Variants in ELAC2 observed in about 807,000 individuals in gnomAD.
ELAC2 encodes the protein zinc phosphodiesterase ELAC protein 2.
Under a neutral mutation model 105.2 loss-of-function variants are expected in ELAC2, and 92 were observed. The ratio of observed to expected loss-of-function variants is 0.87; its 90% CI spans 0.74 to 1.04. The LOEUF (loss-of-function observed/expected upper bound fraction) is 1.04, where lower values mean the gene tolerates loss of function less well. Among genes scored for constraint, ELAC2 ranks in the 50% least tolerant of loss-of-function variants. The probability of loss-of-function intolerance (pLI) is 0.00; values close to 1 mark genes in which losing one functional copy is unlikely to be tolerated. For synonymous variants in ELAC2, 468 were observed against 409.1 expected (o/e 1.14, Z -1.74); for missense variants, 1,099 against 1,071.7 (o/e 1.03, Z -0.36).
chr17:13,017,312 G>T (rs1426539771), intron 1 of ELAC2, 191 bp from the exon 2 acceptor site: 2 of 675,464 alleles, frequency 3.0e-6, no homozygotes, highest in East Asian at 5.4e-5. Flanking sequence ...GAGAGGAGTG[G>T]GGGCCTGTGT....
intron 15 of ELAC2, among the ~76,000 whole-genome samples, chr17:12,999,471 G>A (rs955507003): frequency 6.6e-6 from 1 of 152,248 alleles, no homozygotes; most frequent in Non-Finnish European, 1.5e-5. Context: ...AGCCTCAGTT[G>A]AGTGACGTGG....
chr17:13,017,620 C>G, intron 1 of ELAC2, 83 bp downstream of exon 1: 14 of 1,600,568 alleles, frequency 8.7e-6, no homozygotes, highest in Non-Finnish European at 1.2e-5. Context: ...GCAGGGAAGC[C>G]GAAGCCCTGG....
intron 3 of ELAC2, among the ~76,000 whole-genome samples, 160 bp downstream of exon 3, chr17:13,016,702 C>T (rs1401457174): frequency 6.7e-5 from 10 of 149,842 alleles, no homozygotes; most frequent in Non-Finnish European, 1.3e-4. Flanking sequence ...ATCACCTGAG[C>T]CCAGAAGGCA....
chr17:13,009,990 C>CAAAAAAA (rs1157775345), intron 8 of ELAC2, among the ~76,000 whole-genome samples: 1,545 of 75,970 alleles, frequency 0.02, 62 homozygotes, highest in African/African-American at 0.072. Flanking sequence ...GACATGGTCT[C>CAAAAAAA]AAAAAAAAAA....
At chr17:12,993,579 G>A (rs951584250) in intron 23 of ELAC2, 108 bp downstream of exon 23, 50 of 1,535,224 alleles carry the variant, frequency 3.3e-5, no homozygotes, top group Admixed American at 1.9e-4. Context: ...CTTTTCCCAC[G>A]GTGGCCCCAA....
At chr17:12,995,887 G>A (rs981037678) in intron 18 of ELAC2, 53 bp downstream of exon 18, 49 of 1,584,742 alleles carry the variant, frequency 3.1e-5, no homozygotes, top group African/African-American at 1.3e-4. Context: ...GAGGCATGGC[G>A]GATGATGTGT....
rs200802532 is a variant in ELAC2 at position 13,013,208 on chromosome 17, G to T, written c.558C>A (p.His186Gln). 6.2e-7 allele frequency: 1 copy of T among 1,614,166 alleles called. No individual in the cohort carries two copies. The highest frequency in any genetic ancestry group is 1.3e-5 in the African/African-American group (1 of 75,042). Reference protein sequence around the residue: ...ETMTVYQIPIHSEQRRGKHQP... With the variant: ...ETMTVYQIPIQSEQRRGKHQP... ...GGGAAACCTGGCTTTCATACTCACTGTGTATGGGGATCTGGTAAACTGTCA... is the reference window on the plus strand; with the variant it reads ...GGGAAACCTGGCTTTCATACTCACTTTGTATGGGGATCTGGTAAACTGTCA... Residue 186 changes from histidine (H) to glutamine (Q), a missense_variant and splice_region_variant, in exon 6 of 24, where the codon CAC becomes CAA. Coordinates refer to ENST00000338034, the MANE Select transcript of ELAC2 (RefSeq NM_018127.7).
chr17:13,002,472 A>G lies in ELAC2; in HGVS notation c.1187T>C (p.Ile396Thr). Residue 396 changes from isoleucine to threonine, a missense_variant, in exon 13 of 24, where the codon ATC becomes ACC. Transcript: ENST00000338034. ...QTQLNLIHPD[I>T]FPLLTSFRCK... ...GCGGAAACTGGTGAGCAGGGGGAAG[A>G]TGTCCGGGTGGATGAGGTTGAGCTG... is the stretch of plus-strand genomic sequence containing the variant. 1 of 1,610,254 alleles carries G rather than the reference A, an allele frequency of 6.2e-7. No individual in the cohort carries two copies.
intron 12 of ELAC2, 29 bp from the exon 13 acceptor site, chr17:13,002,608 G>A (rs1402595058): frequency 6.3e-7 from 1 of 1,578,124 alleles, no homozygotes; most frequent in Non-Finnish European, 8.6e-7. Flanking sequence ...GGCATTTGCA[G>A]CGTCTGTTAG....
intron 23 of ELAC2, 88 bp downstream of exon 23, chr17:12,993,599 C>G (rs1228672400): frequency 6.3e-7 from 1 of 1,593,000 alleles, no homozygotes; most frequent in Non-Finnish European, 8.6e-7. Context: ...AATAAGAAAG[C>G]AAACTCCAGC....
intron 8 of ELAC2, 98 bp downstream of exon 8, chr17:13,010,515 A>G: frequency 9.1e-7 from 1 of 1,101,750 alleles, no homozygotes. Context: ...TGTCTCAGGT[A>G]ACAGGAGTGC....
chr17:13,017,587 CA>C, intron 1 of ELAC2, 115 bp downstream of exon 1: 1 of 1,547,772 alleles, frequency 6.5e-7, no homozygotes. Flanking sequence ...CGAACCCCCG[CA>C]ACAGTGAACC....
In ELAC2 at chr17:12,992,846, G is replaced by A. The variant is rs763169771; in HGVS notation, c.2453C>T (p.Pro818Leu). The change falls in exon 24 of 24, where the codon CCA (proline) becomes CTA (leucine). Residue 818 changes from proline (P) to leucine (L), a missense_variant. Pro to Leu is a moderately conservative substitution (Grantham distance 98, BLOSUM62 -3). Coordinates refer to ENST00000338034, the MANE Select transcript of ELAC2 (RefSeq NM_018127.7). ...CTGGGCTCTGACCTTCTTGGCCTGTGGCTCCTCTGTGTGGGCCCGCTTCTG... is the reference window on the plus strand; with the variant it reads ...CTGGGCTCTGACCTTCTTGGCCTGTAGCTCCTCTGTGTGGGCCCGCTTCTG... The part of the protein sequence containing the change: ...PQQKRAHTEE[P>L]QAKKVRAQ The A allele has an allele frequency of 1.9e-6, 3 of 1,610,366 alleles. No individual in the cohort carries two copies. Among genetic ancestry groups the A allele is most frequent in the South Asian group, 1.1e-5 (1 of 91,076 alleles).
At chr17:13,016,369 T>G (rs1256554905) in intron 3 of ELAC2, among the ~76,000 whole-genome samples, 1 of 152,226 alleles carries the variant, frequency 6.6e-6, no homozygotes. Flanking sequence ...CACAAATCTC[T>G]GTCCCCGCAA....
intron 4 of ELAC2, among the ~76,000 whole-genome samples, chr17:13,015,069 T>A (rs1490853588): frequency 6.6e-6 from 1 of 152,158 alleles, no homozygotes; most frequent in East Asian, 1.9e-4. Context: ...GTGTTTTGAT[T>A]GTATTGCAAT....
At chr17:13,003,991 T>C in intron 11 of ELAC2, 1 of 219,142 alleles carries the variant, frequency 4.6e-6, no homozygotes, top group Non-Finnish European at 9.3e-6. Flanking sequence ...CCCTGGTGTC[T>C]GCCTTCCAGA....
In ELAC2 at chr17:13,011,770, C is replaced by T. The variant is rs754202192; in HGVS notation, c.572G>A (p.Arg191Lys). The T allele has an allele frequency of 3.1e-6, 5 of 1,614,178 alleles. No individual in the cohort carries two copies. Among genetic ancestry groups the T allele is most frequent in the Non-Finnish European group, 4.2e-6 (5 of 1,180,048 alleles). Residue 191 changes from arginine (R) to lysine (K), a missense_variant, in exon 7 of 24, where the codon AGG (arginine) becomes AAG (lysine). Arg to Lys is a conservative substitution (Grantham distance 26). Coordinates refer to ENST00000338034, the MANE Select transcript of ELAC2 (RefSeq NM_018127.7). ...ACTCTGCCATGGTTGGTGCTTTCCCCTCCTCTGTTCACCTGGTCAGTACAG... is the reference window on the plus strand; with the variant it reads ...ACTCTGCCATGGTTGGTGCTTTCCCTTCCTCTGTTCACCTGGTCAGTACAG... Reference protein sequence around the residue: ...YQIPIHSEQRRGKHQPWQSPE... With the variant: ...YQIPIHSEQRKGKHQPWQSPE...
chr17:13,014,969 A>T (rs1481742801), intron 4 of ELAC2, among the ~76,000 whole-genome samples: 2 of 152,206 alleles, frequency 1.3e-5, no homozygotes, highest in African/African-American at 4.8e-5. Context: ...GGGACATAAG[A>T]GTCAGCCCAT....
In ELAC2 at chr17:13,000,178, C is replaced by T. The variant is rs146858023; in HGVS notation, c.1401G>A (p.Ala467=). The T allele has an allele frequency of 3.2e-5, 51 of 1,613,678 alleles. No individual in the cohort carries two copies. Among genetic ancestry groups the T allele is most frequent in the Non-Finnish European group, 4.0e-5 (47 of 1,180,028 alleles). Residue 467 remains alanine, a synonymous_variant, in exon 15 of 24, where the codon GCG becomes GCA. Transcript: ENST00000338034. ...QQSVQEYRRS[A]QDGPAPAEKR... is the part of the protein sequence containing the mutation. ...CACCTGCTGGGGCTGGGCCGTCCTG[C>T]GCACTCCTCCTGTACTCCTGCACGC...
Sources: allele counts gnomAD v4.1 joint callset (sites outside exome capture counted in the v4.1 genomes callset), GRCh38; gene constraint gnomAD v4.1.1; transcripts MANE v1.5; gene names NCBI Gene and HGNC (gene_info 2026-07-23, HGNC 2026-07-21).